LAMA1: variants seen among roughly 807,000 people sequenced by gnomAD.
The protein encoded by LAMA1 is laminin subunit alpha 1, also known as laminin subunit alpha-1.
In LAMA1, 219 loss-of-function variants were observed where a neutral mutation model predicts 348.7. The ratio of observed to expected loss-of-function variants is 0.63; its 90% CI spans 0.56 to 0.70. LAMA1 has a LOEUF of 0.70. Among genes scored for constraint, LAMA1 ranks in the 30% least tolerant of loss-of-function variants. LAMA1 has a pLI of 0.00. For synonymous variants in LAMA1, 1,487 were observed against 1,491.0 expected (o/e 1.00, Z 0.06); for missense variants, 3,744 against 3,888.0 (o/e 0.96, Z 0.99).
At chr18:7,104,677 A>G (rs1305948431) in intron 1 of LAMA1, among the ~76,000 whole-genome samples, 1 of 152,228 alleles carries the variant, frequency 6.6e-6, no homozygotes, top group African/African-American at 2.4e-5. Context: ...AGAGAATGAG[A>G]TGCCATTGAA....
rs1366691498 is a variant in LAMA1 at position 7,023,187 on chromosome 18, G to A, written c.2678C>T (p.Ala893Val). Residue 893 changes from alanine to valine, a missense_variant, in exon 19 of 63, where the codon GCT (alanine) becomes GTT (valine). Physicochemically the swap from Ala to Val is moderately conservative, Grantham distance 64. Transcript: ENST00000389658. ...ERCADGFYGD[A>V]VTAKNCRACE... Reference sequence around the variant, plus strand: ...ACCGCGGCAGTTCTTGGCTGTCACAGCGTCCCCATAGAACCCGTCAGCACA... The same window carrying A: ...ACCGCGGCAGTTCTTGGCTGTCACAACGTCCCCATAGAACCCGTCAGCACA... 2 of 1,612,908 alleles carry A rather than the reference G, an allele frequency of 1.2e-6. No individual in the cohort carries two copies. Among genetic ancestry groups the A allele is most frequent in the Non-Finnish European group, 8.5e-7 (1 of 1,179,914 alleles).
chr18:7,063,132 TAAA>T (rs2058109167), intron 3 of LAMA1, among the ~76,000 whole-genome samples: 1 of 152,156 alleles, frequency 6.6e-6, no homozygotes, highest in Non-Finnish European at 1.5e-5. Context: ...CTTTGGGCCC[TAAA>T]TCTAGCTGAA....
At chr18:7,000,579 G>A (rs989665752) in intron 30 of LAMA1, among the ~76,000 whole-genome samples, 19 of 152,174 alleles carry the variant, frequency 1.2e-4, no homozygotes, top group Middle Eastern at 3.2e-3. Context: ...TTTAATCATC[G>A]ACTGGGATTT....
In LAMA1 at chr18:6,958,559, T is replaced by C. The variant is rs1223306341; in HGVS notation, c.7882A>G (p.Ile2628Val). 2.5e-6 allele frequency: 4 copies of C among 1,614,052 alleles called. No homozygotes were observed. Among genetic ancestry groups the C allele is most frequent in the Non-Finnish European group, 3.4e-6 (4 of 1,180,020 alleles). The change falls in exon 55 of 63, where the codon ATT becomes GTT. Residue 2628 changes from isoleucine to valine, a missense_variant. Transcript: ENST00000389658. Reference sequence around the variant, plus strand: ...AGTGACGTCCCCTCTCCCTCTGGAATTCCCCCGACGTACAGATTGGACACA... The same window carrying C: ...AGTGACGTCCCCTCTCCCTCTGGAACTCCCCCGACGTACAGATTGGACACA... ...INVSNLYVGG[I>V]PEGEGTSLLT...
chr18:7,041,717 G>A (rs1228612673), intron 9 of LAMA1, among the ~76,000 whole-genome samples: 1 of 152,220 alleles, frequency 6.6e-6, no homozygotes, highest in Non-Finnish European at 1.5e-5. Context: ...GAGAGCAATT[G>A]CTATTTACTG....
intron 1 of LAMA1, among the ~76,000 whole-genome samples, chr18:7,095,122 T>TCTCTC (rs2058255531): frequency 1.6e-5 from 2 of 126,530 alleles, no homozygotes; most frequent in African/African-American, 6.2e-5. Context: ...CTCAGGACCT[T>TCTCTC]TCTCTCTCTC....
At position 6,948,416 on chromosome 18, in the gene LAMA1, T is replaced by C; in HGVS notation, c.8697A>G (p.Gly2899=). 6.2e-7 allele frequency: 1 copy of C among 1,614,216 alleles called. No individual in the cohort carries two copies. The highest frequency in any genetic ancestry group is 8.5e-7 in the Non-Finnish European group (1 of 1,180,040). Residue 2899 remains glycine (G), a synonymous_variant, in exon 60 of 63, where the codon GGA becomes GGG. Transcript: ENST00000389658. ...GCTAACACATACCAAGAGCTGCATA[T>C]CCGCTTCCGTCAAAGTATGTTCCTT... is the stretch of plus-strand genomic sequence containing the variant. The part of the protein sequence containing the change: ...AQEGTYFDGS[G]YAALVKEGYK...
chr18:7,068,699 G>A (rs909653084), intron 3 of LAMA1, among the ~76,000 whole-genome samples: 13 of 151,906 alleles, frequency 8.6e-5, no homozygotes, highest in African/African-American at 2.9e-4. Flanking sequence ...ACCTAGCTGA[G>A]GTTTTTATAA....
rs909512889 is a variant in LAMA1 at position 7,068,899 on chromosome 18, T to C, written c.345+11076A>G. Among the ~76,000 whole-genome samples, 7 of 151,158 alleles carry C rather than the reference T, an allele frequency of 4.6e-5. No homozygotes were observed. The East Asian group carries it at 9.6e-4, about 21-fold the overall frequency. ...CCCCTTTTTTTCAGCTTCAATATAA[T>C]GGAAGAAATAATTTCAGAACGGACT... On this transcript the variant is annotated intron_variant, in intron 3 of 62. Coordinates refer to ENST00000389658, the MANE Select transcript of LAMA1 (RefSeq NM_005559.4).
chr18:7,064,615 C>T (rs1198755389), intron 3 of LAMA1, among the ~76,000 whole-genome samples: 1 of 152,178 alleles, frequency 6.6e-6, no homozygotes, highest in Non-Finnish European at 1.5e-5. Context: ...TCCTGAACAG[C>T]AAGTTCGGGC....
chr18:7,076,387 G>A (rs2058168477), intron 3 of LAMA1, among the ~76,000 whole-genome samples: 1 of 152,316 alleles, frequency 6.6e-6, no homozygotes, highest in Admixed American at 6.5e-5. Context: ...GATGGCTGGT[G>A]ATGTGGTCTT....
intron 48 of LAMA1, among the ~76,000 whole-genome samples, chr18:6,967,368 T>C (rs1328900687): frequency 1.3e-5 from 2 of 152,240 alleles, no homozygotes; most frequent in Non-Finnish European, 2.9e-5. Flanking sequence ...ATATGTTCCA[T>C]TGTTCTACCT....
chr18:6,982,116 A>C (rs2057714501), intron 41 of LAMA1, among the ~76,000 whole-genome samples: 1 of 152,202 alleles, frequency 6.6e-6, no homozygotes, highest in Non-Finnish European at 1.5e-5. Context: ...AAGGTAAAAG[A>C]AATATCAAGC....
chr18:7,071,071 G>C (rs1245808794), intron 3 of LAMA1, among the ~76,000 whole-genome samples: 1 of 152,196 alleles, frequency 6.6e-6, no homozygotes, highest in Admixed American at 6.5e-5. Flanking sequence ...CCAACATCAA[G>C]AGGGAATTGC....
In LAMA1 at chr18:7,022,772, C is replaced by T. The variant is rs113555799; in HGVS notation, c.2701+392G>A. 2.7e-3 allele frequency among the ~76,000 whole-genome samples: 406 copies of T among 152,286 alleles called. 2 individuals carry two copies. The highest frequency in any genetic ancestry group is 8.7e-3 in the African/African-American group (362 of 41,564). ...TTCTGGGGTTACAGTCTTACCATTT[C>T]CCACCCTTCATCTTGGAATCCCATC... On this transcript the variant is annotated intron_variant, in intron 19 of 62. Transcript: ENST00000389658.
At chr18:6,994,213 T>C (rs763557022) in intron 34 of LAMA1, among the ~76,000 whole-genome samples, 2 of 152,102 alleles carry the variant, frequency 1.3e-5, no homozygotes, top group Non-Finnish European at 2.9e-5. Context: ...CCCAGACATC[T>C]CCAAGCATTG....
At position 7,084,074 on chromosome 18, in the gene LAMA1, GAAAA is replaced by G. The variant is rs35419107; in HGVS notation, c.62-3621_62-3618del. On this transcript the variant is annotated intron_variant, in intron 1 of 62. Transcript: ENST00000389658. ...GGCAACAGAGTGAGATTCTGTCTCA[GAAAA>G]AAAAAAAAAAAAAAAAAAAAAGCGG... 2.3e-3 allele frequency among the ~76,000 whole-genome samples: 116 copies of G among 49,718 alleles called. 1 individual carries two copies. The highest frequency in any genetic ancestry group is 0.02 in the Middle Eastern group (1 of 50). 32.6% of individuals were successfully genotyped at this position (49,718 alleles called of 152,430 possible). A position where few individuals can be genotyped will look rare whatever the true frequency, so the allele number is the denominator to read the frequency against.
intron 3 of LAMA1, among the ~76,000 whole-genome samples, chr18:7,073,487 C>T (rs1460056240): frequency 1.3e-5 from 2 of 152,210 alleles, no homozygotes; most frequent in African/African-American, 4.8e-5. Flanking sequence ...CCAGGTACTT[C>T]ATCCAAATTG....
At chr18:7,054,300 A>G (rs2058073153) in intron 3 of LAMA1, among the ~76,000 whole-genome samples, 1 of 152,146 alleles carries the variant, frequency 6.6e-6, no homozygotes, top group Non-Finnish European at 1.5e-5. Flanking sequence ...TCTGGACACA[A>G]CTTTATTTTA....
Sources: gnomAD v4.1 joint callset for allele counts (sites outside exome capture counted in the v4.1 genomes callset) on GRCh38, gnomAD v4.1.1 for gene constraint, MANE v1.5 for transcripts, NCBI Gene and HGNC (gene_info 2026-07-23, HGNC 2026-07-21) for gene names.